The following ROBO2 variants were observed in gnomAD, a reference collection of about 807,000 sequenced individuals.
ROBO2 encodes the protein roundabout guidance receptor 2.
A neutral mutation model predicts 160.8 loss-of-function variants in ROBO2; 53 were observed. That is an observed-to-expected ratio of 0.33 (90% CI 0.26 to 0.41). The LOEUF (loss-of-function observed/expected upper bound fraction) is 0.41, where lower values mean the gene tolerates loss of function less well. Among genes scored for constraint, ROBO2 ranks in the 10% least tolerant of loss-of-function variants. The probability of loss-of-function intolerance (pLI) is 1.00; values close to 1 mark genes in which losing one functional copy is unlikely to be tolerated. For synonymous variants in ROBO2, 664 were observed against 611.7 expected (o/e 1.09, Z -1.26); for missense variants, 1,577 against 1,722.4 (o/e 0.92, Z 1.49).
At chr3:75,999,206 T>G (rs2065814315) in intron 2 of ROBO2, among the ~76,000 whole-genome samples, 1 of 152,218 alleles carries the variant, frequency 6.6e-6, no homozygotes, top group Non-Finnish European at 1.5e-5. Context: ...TGTGAAAATA[T>G]TCCAGCCTCT....
intron 2 of ROBO2, among the ~76,000 whole-genome samples, chr3:77,357,029 G>A (rs2069232593): frequency 6.6e-6 from 1 of 152,158 alleles, no homozygotes; most frequent in African/African-American, 2.4e-5. Context: ...CTACCGTTGT[G>A]ACCTTTCTTG....
chr3:76,647,112 G>T (rs2091009048), intron 2 of ROBO2, among the ~76,000 whole-genome samples: 1 of 152,196 alleles, frequency 6.6e-6, no homozygotes, highest in Admixed American at 6.5e-5. Flanking sequence ...TGCTCGTCTT[G>T]TTCTGGTGTT....
chr3:77,109,985 G>A (rs1334328598), intron 2 of ROBO2, among the ~76,000 whole-genome samples: 2 of 152,176 alleles, frequency 1.3e-5, no homozygotes, highest in Non-Finnish European at 2.9e-5. Flanking sequence ...ACAATTCTGT[G>A]ATTCCTGGGA....
At chr3:76,335,647 G>C (rs888067662) in intron 2 of ROBO2, among the ~76,000 whole-genome samples, 4 of 150,438 alleles carry the variant, frequency 2.7e-5, no homozygotes, top group Non-Finnish European at 5.9e-5. Flanking sequence ...GCGCGATCTC[G>C]GCTCACTGCA....
At chr3:77,477,469 G>T in exon 3 of ROBO2, 1 of 1,613,908 alleles carries the variant, frequency 6.2e-7, no homozygotes, top group Non-Finnish European at 8.5e-7. Flanking sequence ...CAGCTGGAGA[G>T]CCTGCAATCC....
intron 2 of ROBO2, among the ~76,000 whole-genome samples, chr3:75,985,821 T>G (rs2065399080): frequency 6.6e-6 from 1 of 151,694 alleles, no homozygotes. Context: ...GTTATTGGCT[T>G]ATTTAATTTA....
At chr3:76,933,865 C>A (rs2077510373) in intron 2 of ROBO2, among the ~76,000 whole-genome samples, 1 of 152,172 alleles carries the variant, frequency 6.6e-6, no homozygotes. Flanking sequence ...CATCAGCTAT[C>A]ATTTGTGTCT....
chr3:77,164,761 G>A (rs1046522824), intron 2 of ROBO2, among the ~76,000 whole-genome samples: 27 of 41,524 alleles, frequency 6.5e-4, no homozygotes, highest in Non-Finnish European at 1.6e-3. Flanking sequence ...GAGGGAAGTG[G>A]GGGGGTCAGA....
At chr3:76,489,378 G>C (rs1302427815) in intron 2 of ROBO2, among the ~76,000 whole-genome samples, 1 of 152,064 alleles carries the variant, frequency 6.6e-6, no homozygotes, top group Non-Finnish European at 1.5e-5. Flanking sequence ...GGAGAGCCTA[G>C]AGTTCTGATC....
chr3:76,335,036 A>T (rs527509810), intron 2 of ROBO2, among the ~76,000 whole-genome samples: 88 of 151,690 alleles, frequency 5.8e-4, no homozygotes, highest in East Asian at 1.7e-3. Context: ...TTAAAAAAAA[A>T]TTTTTTTTGT....
chr3:76,752,343 A>T (rs905390283), intron 2 of ROBO2, among the ~76,000 whole-genome samples: 2 of 151,864 alleles, frequency 1.3e-5, no homozygotes, highest in African/African-American at 2.4e-5. Flanking sequence ...ATGTTAAATG[A>T]CGAGTTAGTG....
intron 2 of ROBO2, among the ~76,000 whole-genome samples, chr3:76,586,787 C>T (rs1221915283): frequency 6.6e-6 from 1 of 152,248 alleles, no homozygotes; most frequent in South Asian, 2.1e-4. Flanking sequence ...TTACTTTAAG[C>T]TAAAGTGCAC....
At chr3:76,450,828 A>G (rs749800230) in intron 2 of ROBO2, among the ~76,000 whole-genome samples, 1 of 152,158 alleles carries the variant, frequency 6.6e-6, no homozygotes, top group Non-Finnish European at 1.5e-5. Flanking sequence ...ATTTTAAGAC[A>G]TTTTCGAAAA....
chr3:76,775,832 TTTAATTATCACTATAGCATA>T (rs2062215331), intron 2 of ROBO2, among the ~76,000 whole-genome samples: 1 of 150,836 alleles, frequency 6.6e-6, no homozygotes, highest in African/African-American at 2.4e-5. Context: ...GAATAAAATT[TTTAATTATCACTATAGCATA>T]TTAAGTGGGA....
At chr3:76,210,675 G>T (rs953366542) in intron 2 of ROBO2, among the ~76,000 whole-genome samples, 1 of 151,868 alleles carries the variant, frequency 6.6e-6, no homozygotes. Context: ...TCCAAAAAAG[G>T]GGCAAATAGA....
intron 9 of ROBO2, among the ~76,000 whole-genome samples, chr3:77,562,136 T>C (rs760137900): frequency 6.7e-6 from 1 of 149,928 alleles, no homozygotes; most frequent in East Asian, 1.9e-4. Context: ...TCTTCTTCAC[T>C]TTTTTCCATG....
chr3:77,293,712 A>C (rs2061619217), intron 2 of ROBO2, among the ~76,000 whole-genome samples: 1 of 142,226 alleles, frequency 7.0e-6, no homozygotes, highest in Non-Finnish European at 1.5e-5. Flanking sequence ...CAGTAAAGAC[A>C]TAAAGTAAAA....
intron 2 of ROBO2, among the ~76,000 whole-genome samples, chr3:76,659,783 A>G (rs1335328142): frequency 6.6e-6 from 1 of 152,218 alleles, no homozygotes; most frequent in Non-Finnish European, 1.5e-5. Flanking sequence ...AAACAACTTT[A>G]CCACCACTGA....
At chr3:76,261,694 C>A (rs1008999483) in intron 2 of ROBO2, among the ~76,000 whole-genome samples, 5 of 151,410 alleles carry the variant, frequency 3.3e-5, no homozygotes. Context: ...TTAAATAAGC[C>A]CTCTCCTCAT....
Sources: gnomAD v4.1 joint callset for allele counts (sites outside exome capture counted in the v4.1 genomes callset) on GRCh38, gnomAD v4.1.1 for gene constraint, MANE v1.5 for transcripts, NCBI Gene and HGNC (gene_info 2026-07-23, HGNC 2026-07-21) for gene names.